SMAD7: variants seen among roughly 807,000 people sequenced by gnomAD.
SMAD7 encodes the protein MAD (mothers against decapentaplegic, Drosophila) homolog 7.
Under a neutral mutation model 38.7 loss-of-function variants are expected in SMAD7, and 8 were observed. The observed-to-expected ratio is 0.21, with a 90% CI of 0.12 to 0.37. The LOEUF is 0.37. Ranked by LOEUF, SMAD7 falls within the 10% of genes least tolerant of loss-of-function variation. The probability of loss-of-function intolerance (pLI) is 1.00; values close to 1 mark genes in which losing one functional copy is unlikely to be tolerated. For synonymous variants in SMAD7, 327 were observed against 265.1 expected, an observed-to-expected ratio of 1.23 and a Z score of -2.27; for missense variants, 477 against 577.9, an observed-to-expected ratio of 0.83 and a Z score of 1.79.
Position 48,949,232 on chromosome 18 carries a change from G to A in SMAD7, c.613+580C>T, listed in dbSNP as rs916558039. Reference sequence around the variant, plus strand: ...AGAGTTGAAAGGAGACAGATACCCAGTTCGGCCTTCCATCCAACTCTCTTT... The same window carrying A: ...AGAGTTGAAAGGAGACAGATACCCAATTCGGCCTTCCATCCAACTCTCTTT... On this transcript the variant is annotated intron_variant, in intron 1 of 3. Transcript: ENST00000262158. The A allele has an allele frequency of 1.3e-5, 13 of 970,860 alleles. No homozygotes were observed. The African/African-American group carries it at 2.1e-4, about 16-fold the overall frequency. 60.1% of individuals were successfully genotyped at this position (970,860 alleles called of 1,614,324 possible).
chr18:48,936,647 A>C (rs1253945756), intron 3 of SMAD7, among the ~76,000 whole-genome samples: 2 of 152,092 alleles, frequency 1.3e-5, no homozygotes, highest in African/African-American at 4.8e-5. Context: ...AGCACTTTAC[A>C]CCTTTTTTTT....
intron 3 of SMAD7, 69 bp downstream of exon 3, chr18:48,942,412 C>G: frequency 9.1e-7 from 1 of 1,094,154 alleles, no homozygotes; most frequent in Non-Finnish European, 1.3e-6. Flanking sequence ...AGGCCACCCC[C>G]ATTCCTCCAG....
chr18:48,924,388 A>T (rs2069900764), intron 3 of SMAD7, among the ~76,000 whole-genome samples: 1 of 152,058 alleles, frequency 6.6e-6, no homozygotes, highest in Admixed American at 6.5e-5. Context: ...CCTGTCAGCC[A>T]CCTAGGCAAG....
At position 48,949,833 on chromosome 18, in the gene SMAD7, G is replaced by A. The variant is rs753178236; in HGVS notation, c.592C>T (p.Leu198Phe). 40 of 1,611,668 alleles carry A rather than the reference G, an allele frequency of 2.5e-5. No homozygotes were observed. The highest frequency in any genetic ancestry group is 3.3e-5 in the Admixed American group (2 of 59,724). The change falls in exon 1 of 4, where the codon CTT (leucine) becomes TTT (phenylalanine). Residue 198 changes from leucine (L) to phenylalanine (F), a missense_variant. By Grantham distance (22) the Leu-to-Phe change is conservative. Transcript: ENST00000262158. ...PELVCCNPHH[L>F]SRLCELESPP... Reference sequence around the variant, plus strand: ...TCACCTAGTTCGCAGAGTCGGCTAAGGTGATGGGGGTTGCAGCACACCAGC... The same window carrying A: ...TCACCTAGTTCGCAGAGTCGGCTAAAGTGATGGGGGTTGCAGCACACCAGC...
chr18:48,928,611 C>T (rs922997240), intron 3 of SMAD7, among the ~76,000 whole-genome samples: 2 of 152,068 alleles, frequency 1.3e-5, no homozygotes, highest in Non-Finnish European at 2.9e-5. Context: ...CTCCCATCAC[C>T]GCCCTCCTTG....
chr18:48,942,776 TA>T, intron 2 of SMAD7: 2 of 1,397,564 alleles, frequency 1.4e-6, no homozygotes, highest in South Asian at 3.0e-5. Context: ...GGCAGCCAGT[TA>T]ATCATTACTC....
At chr18:48,942,614 C>T (rs763702137) in intron 2 of SMAD7, 59 bp from the exon 3 acceptor site, 20 of 1,611,120 alleles carry the variant, frequency 1.2e-5, no homozygotes, top group Non-Finnish European at 1.7e-5. Context: ...CACCAAGATC[C>T]ATCTTTAAGC....
rs1044710222 is a variant in SMAD7 at position 48,921,470 on chromosome 18, C to T, written c.1183G>A (p.Val395Met). 2.0e-5 allele frequency: 33 copies of T among 1,614,086 alleles called. No homozygotes were observed. The highest frequency in any genetic ancestry group is 6.7e-5 in the Admixed American group (4 of 60,010). The change falls in exon 4 of 4, where the codon GTG (valine) becomes ATG (methionine). Residue 395 changes from valine (V) to methionine (M), a missense_variant. By Grantham distance (21) the Val-to-Met change is conservative. This residue lies in a region of SMAD7 where 101 missense variants were observed against 198.5 expected (regional missense o/e 0.51). Coordinates refer to ENST00000262158, the MANE Select transcript of SMAD7 (RefSeq NM_005904.4). This position sits in a 1 kb window ranked among gnomAD's most constrained non-coding sequence, Gnocchi z 6.4. ...FMQQPWTGFT[V>M]QISFVKGWGQ... Reference sequence around the variant, plus strand: ...CAGCCCTTCACAAAGCTGATCTGCACGGTAAAGCCCGTCCACGGCTGCTGC... The same window carrying T: ...CAGCCCTTCACAAAGCTGATCTGCATGGTAAAGCCCGTCCACGGCTGCTGC...
At chr18:48,926,366 A>C (rs7236217) in intron 3 of SMAD7, among the ~76,000 whole-genome samples, 6,281 of 152,304 alleles carry the variant, frequency 0.041, 463 homozygotes, top group African/African-American at 0.14. Flanking sequence ...TCAGCTGATG[A>C]CCCACGGTTA....
At chr18:48,928,788 G>A (rs894633193) in intron 3 of SMAD7, among the ~76,000 whole-genome samples, 1 of 152,128 alleles carries the variant, frequency 6.6e-6, no homozygotes, top group African/African-American at 2.4e-5. Context: ...CCAAGCATCT[G>A]AGTCTGAAGC....
chr18:48,929,569 T>TCTCTCTCACACACACACACACACACA (rs3082710), intron 3 of SMAD7, among the ~76,000 whole-genome samples: 6 of 114,554 alleles, frequency 5.2e-5, no homozygotes, highest in East Asian at 5.4e-4. Flanking sequence ...TCTCTCTCTC[T>TCTCTCTCACACACACACACACACACA]CACTCACACA....
At chr18:48,926,429 C>T (rs1403924043) in intron 3 of SMAD7, among the ~76,000 whole-genome samples, 4 of 152,210 alleles carry the variant, frequency 2.6e-5, no homozygotes, top group African/African-American at 7.2e-5. Context: ...CGAGTGAGGA[C>T]GGGTCTCCAC....
intron 3 of SMAD7, chr18:48,930,137 A>G (rs1227717693): frequency 6.6e-6 from 1 of 151,252 alleles, no homozygotes; most frequent in Non-Finnish European, 1.5e-5. Flanking sequence ...CTCTCACTTT[A>G]CAACCCAATA....
intron 3 of SMAD7, among the ~76,000 whole-genome samples, chr18:48,922,819 C>T (rs1599218525): frequency 6.6e-6 from 1 of 152,248 alleles, no homozygotes; most frequent in African/African-American, 2.4e-5. Context: ...GCAGGGCGCC[C>T]TGCTCCGCCC....
intron 3 of SMAD7, among the ~76,000 whole-genome samples, chr18:48,942,250 T>G (rs151169808): frequency 2.0e-5 from 3 of 152,216 alleles, no homozygotes; most frequent in African/African-American, 7.2e-5. Context: ...CCCAGCTCGC[T>G]CTTGTCTCCC....
rs201042785 is a variant in SMAD7, at chr18:48,921,696, G to C, written c.957C>G (p.Cys319Trp). 1 of 1,613,654 alleles carries C rather than the reference G, an allele frequency of 6.2e-7. No homozygotes were observed. The highest frequency in any genetic ancestry group is 1.1e-5 in the South Asian group (1 of 91,000). The change falls in exon 4 of 4, where the codon TGC becomes TGG. Residue 319 changes from cysteine (C) to tryptophan (W), a missense_variant. By Grantham distance (215) the Cys-to-Trp change is radical (BLOSUM62 -2). Transcript: ENST00000262158. The surrounding 1 kb of genome is among the most constrained non-coding windows in gnomAD (Gnocchi z 6.4). ...LVQKVRSKIG[C>W]GIQLTREVDG... ...CCACCTCCCGCGTCAGCTGGATGCC[G>C]CAGCCGATTTTGCTCCGCACCTTCT...
At chr18:48,949,678 G>T in intron 1 of SMAD7, 134 bp downstream of exon 1, 1 of 932,178 alleles carries the variant, frequency 1.1e-6, no homozygotes, top group Non-Finnish European at 1.5e-6. Context: ...TCTCCCAGGA[G>T]GGTATGCACA....
At chr18:48,922,513 T>C (rs904298522) in intron 3 of SMAD7, among the ~76,000 whole-genome samples, 4 of 152,094 alleles carry the variant, frequency 2.6e-5, no homozygotes, top group South Asian at 4.1e-4. Flanking sequence ...GGAACCTATC[T>C]GGTAAAAATA....
chr18:48,940,103 GC>G (rs2070120412), intron 3 of SMAD7, among the ~76,000 whole-genome samples: 1 of 151,862 alleles, frequency 6.6e-6, no homozygotes, highest in African/African-American at 2.4e-5. Context: ...CCCTCCAGAC[GC>G]CCCCAAGCCG....
Sources: allele counts gnomAD v4.1 joint callset (sites outside exome capture counted in the v4.1 genomes callset), GRCh38; gene constraint gnomAD v4.1.1; regional missense constraint gnomAD v4.1.1; non-coding constraint Gnocchi (gnomAD v3.1); transcripts MANE v1.5; gene names NCBI Gene and HGNC (gene_info 2026-07-23, HGNC 2026-07-21).